Variants in PCCA observed in about 807,000 individuals in gnomAD.
The protein encoded by PCCA is propionyl-CoA carboxylase alpha chain, mitochondrial.
PCCA carries 74 observed loss-of-function variants against 101.3 expected under a neutral mutation model. That is an observed-to-expected ratio of 0.73 (90% CI 0.61 to 0.89). The LOEUF (loss-of-function observed/expected upper bound fraction) is 0.89. PCCA is among the 40% of genes least tolerant of loss of function. PCCA has a pLI of 0.00. For synonymous variants in PCCA, 294 were observed against 313.6 expected (o/e 0.94, Z 0.66); for missense variants, 891 against 907.0 (o/e 0.98, Z 0.23).
At chr13:100,511,647 T>C (rs760220219) in intron 21 of PCCA, among the ~76,000 whole-genome samples, 1 of 152,202 alleles carries the variant, frequency 6.6e-6, no homozygotes, top group Non-Finnish European at 1.5e-5. Context: ...GAATGACTTA[T>C]AAATGGAAAC....
intron 19 of PCCA, among the ~76,000 whole-genome samples, chr13:100,393,235 C>T (rs2076889826): frequency 6.6e-6 from 1 of 151,988 alleles, no homozygotes; most frequent in African/African-American, 2.4e-5. Flanking sequence ...GCAGAAAATC[C>T]TGGGAGGATA....
chr13:100,393,719 C>A (rs2152843785), intron 19 of PCCA, among the ~76,000 whole-genome samples: 1 of 152,158 alleles, frequency 6.6e-6, no homozygotes, highest in Middle Eastern at 3.4e-3. Flanking sequence ...ACCCTGCCTA[C>A]TCAAGAGTCT....
intron 6 of PCCA, among the ~76,000 whole-genome samples, chr13:100,171,980 G>A (rs964947786): frequency 6.6e-6 from 1 of 151,140 alleles, no homozygotes; most frequent in African/African-American, 2.4e-5. Context: ...TGCAGTGAGC[G>A]GAGTTCTCGC....
chr13:100,310,964 G>A (rs778084038), intron 16 of PCCA, among the ~76,000 whole-genome samples: 1 of 152,076 alleles, frequency 6.6e-6, no homozygotes, highest in Admixed American at 6.5e-5. Context: ...GGCCAAGCAC[G>A]GTGGCTCACA....
At chr13:100,376,112 G>C (rs2075882423) in intron 19 of PCCA, among the ~76,000 whole-genome samples, 1 of 152,178 alleles carries the variant, frequency 6.6e-6, no homozygotes, top group African/African-American at 2.4e-5. Flanking sequence ...CCCCTCTGCT[G>C]TAGGTCTGCT....
chr13:100,151,700 G>A (rs2053346181), intron 4 of PCCA, among the ~76,000 whole-genome samples: 1 of 152,060 alleles, frequency 6.6e-6, no homozygotes, highest in African/African-American at 2.4e-5. Context: ...TTCTGAGAAC[G>A]GAGAAGTTTA....
At chr13:100,384,197 TGTA>T (rs900384960) in intron 19 of PCCA, among the ~76,000 whole-genome samples, 5 of 152,198 alleles carry the variant, frequency 3.3e-5, no homozygotes, top group African/African-American at 1.2e-4. Flanking sequence ...GGTTAATTTT[TGTA>T]GTTTAAGTAG....
chr13:100,111,992 G>C lies in PCCA; in HGVS notation c.232-1G>C. ...ATAGACATTAATATATTTTAAAATA[G>C]GTTATTAGAACTTGCAAGAAGATGG... On this transcript the variant is annotated splice_acceptor_variant, in intron 3 of 23. Transcript: ENST00000376285. LOFTEE classifies it high-confidence loss of function. The C allele has an allele frequency of 6.2e-7, 1 of 1,601,918 alleles. No individual in the cohort carries two copies. The highest frequency in any genetic ancestry group is 8.5e-7 in the Non-Finnish European group (1 of 1,170,432).
chr13:100,491,457 T>G (rs1446673986), intron 21 of PCCA: 1 of 264,060 alleles, frequency 3.8e-6, no homozygotes, highest in Non-Finnish European at 7.7e-6. Context: ...AAACTTTGTT[T>G]GTATGCCCCT....
chr13:100,398,911 G>A (rs1190790549), intron 19 of PCCA, among the ~76,000 whole-genome samples: 1 of 152,050 alleles, frequency 6.6e-6, no homozygotes, highest in East Asian at 1.9e-4. Context: ...GAAGCATTTT[G>A]ATTCAAGAAG....
At chr13:100,435,066 G>A (rs933741292) in intron 20 of PCCA, among the ~76,000 whole-genome samples, 22 of 152,104 alleles carry the variant, frequency 1.4e-4, no homozygotes, top group African/African-American at 4.3e-4. Context: ...AAAGTAGTGC[G>A]TTCATCTGTT....
intron 12 of PCCA, among the ~76,000 whole-genome samples, chr13:100,289,324 G>A (rs2064946256): frequency 6.6e-6 from 1 of 151,882 alleles, no homozygotes; most frequent in African/African-American, 2.4e-5. Flanking sequence ...GTGTGTATGT[G>A]TATTTGTATA....
intron 21 of PCCA, among the ~76,000 whole-genome samples, chr13:100,494,715 T>C (rs1474790127): frequency 1.3e-5 from 2 of 151,870 alleles, no homozygotes; most frequent in Admixed American, 6.6e-5. Flanking sequence ...TTCAACACAT[T>C]ATAACATGAC....
chr13:100,520,016 A>T (rs2087113300), intron 22 of PCCA, among the ~76,000 whole-genome samples: 1 of 152,264 alleles, frequency 6.6e-6, no homozygotes, highest in Non-Finnish European at 1.5e-5. Flanking sequence ...AGTTTATTTG[A>T]CAAGATGCCA....
chr13:100,426,156 C>T (rs921383485), intron 20 of PCCA, among the ~76,000 whole-genome samples: 1 of 152,074 alleles, frequency 6.6e-6, no homozygotes, highest in African/African-American at 2.4e-5. Flanking sequence ...CACTGATGTC[C>T]TTTAAAAATT....
intron 9 of PCCA, among the ~76,000 whole-genome samples, chr13:100,258,892 C>T (rs1267478401): frequency 6.7e-6 from 1 of 149,464 alleles, no homozygotes; most frequent in East Asian, 2.0e-4. Flanking sequence ...ATAAATAAAC[C>T]ATCTCAGAAA....
At chr13:100,201,061 A>AT (rs945539430) in intron 6 of PCCA, among the ~76,000 whole-genome samples, 2 of 152,324 alleles carry the variant, frequency 1.3e-5, no homozygotes, top group East Asian at 1.9e-4. Context: ...CAGGATAACA[A>AT]TGTTAATACC....
chr13:100,505,841 TG>T (rs1430407911), intron 21 of PCCA, among the ~76,000 whole-genome samples: 1 of 924 alleles, frequency 1.1e-3, no homozygotes, highest in South Asian at 0.056. Context: ...AGTGGTACCC[TG>T]TTTCTCTGCC....
At chr13:100,494,080 T>C (rs1343728766) in intron 21 of PCCA, among the ~76,000 whole-genome samples, 1 of 151,950 alleles carries the variant, frequency 6.6e-6, no homozygotes. Flanking sequence ...TCCCAGCTAC[T>C]CAGGAGGCTG....
Sources: allele counts gnomAD v4.1 joint callset (sites outside exome capture counted in the v4.1 genomes callset), GRCh38; gene constraint gnomAD v4.1.1; transcripts MANE v1.5; gene names NCBI Gene and HGNC (gene_info 2026-07-23, HGNC 2026-07-21).